The following ARAP2 variants were observed in gnomAD, a reference collection of about 807,000 sequenced individuals.
ARAP2 encodes arf-GAP with Rho-GAP domain, ANK repeat and PH domain-containing protein 2.
ARAP2 carries 148 observed loss-of-function variants against 194.5 expected under a neutral mutation model. The ratio of observed to expected loss-of-function variants is 0.76; its 90% confidence interval spans 0.67 to 0.87. ARAP2 has a LOEUF of 0.87. Among genes scored for constraint, ARAP2 ranks in the 40% least tolerant of loss-of-function variants. The probability of loss-of-function intolerance (pLI) is 0.00; values close to 1 mark genes in which losing one functional copy is unlikely to be tolerated. For missense variants in ARAP2, 2,128 were observed against 1,989.7 expected (o/e 1.07, Z -1.32); for synonymous variants, 695 against 683.5 (o/e 1.02, Z -0.26).
Position 36,229,164 on chromosome 4 carries a change from T to C in ARAP2, c.323A>G (p.Asn108Ser), listed in dbSNP as rs370354592. 40 of 1,614,148 alleles carry C rather than the reference T, an allele frequency of 2.5e-5. No individual in the cohort carries two copies. Among genetic ancestry groups the C allele is most frequent in the Admixed American group, 5.0e-5 (3 of 60,000 alleles). The change falls in exon 2 of 33, where the codon AAT becomes AGT. Residue 108 changes from asparagine (N) to serine (S), a missense_variant. Transcript: ENST00000303965. ...GCTAGATGTCTGAACACTACCAGAATTGGAAAGTTCTATGCAGATATTCTG... is the reference window on the plus strand; with the variant it reads ...GCTAGATGTCTGAACACTACCAGAACTGGAAAGTTCTATGCAGATATTCTG... ...SDQNICIELS[N>S]SGSVQTSSPP... is the part of the protein sequence containing the mutation.
intron 1 of ARAP2, among the ~76,000 whole-genome samples, chr4:36,240,922 G>A (rs6826962): frequency 0.021 from 3,205 of 152,238 alleles, 71 homozygotes; most frequent in African/African-American, 0.052. Flanking sequence ...AGCATAGGAG[G>A]TACCTAGGTT....
chr4:36,102,737 G>A lies in ARAP2; in HGVS notation c.4285+4828C>T, dbSNP rs376352583. On this transcript the variant is annotated intron_variant, in intron 27 of 32. Transcript: ENST00000303965. ...CAGTTGTCATACATTTAAAATTTCT[G>A]TTCTTTCTGGGTATAGACAATGTTT... is the stretch of plus-strand genomic sequence containing the variant. Among the ~76,000 whole-genome samples, 19 of 151,890 alleles carry A rather than the reference G, an allele frequency of 1.3e-4. No individual in the cohort carries two copies. In the East Asian group the frequency reaches 1.6e-3, roughly 12 times the overall value.
At chr4:36,148,271 T>C (rs1467028747) in intron 17 of ARAP2, 134 bp downstream of exon 17, 9 of 618,180 alleles carry the variant, frequency 1.5e-5, no homozygotes, top group Admixed American at 3.4e-5. Context: ...ACTACTTTTT[T>C]TGAAAATCTA....
intron 5 of ARAP2, among the ~76,000 whole-genome samples, chr4:36,023,529 A>T (rs1019367086): frequency 6.6e-6 from 1 of 152,116 alleles, no homozygotes; most frequent in Non-Finnish European, 1.5e-5. Context: ...GAAGTGCAAT[A>T]AAGTTTTAGT....
intron 6 of ARAP2, among the ~76,000 whole-genome samples, chr4:36,207,493 T>A (rs1158538957): frequency 6.6e-6 from 1 of 152,232 alleles, no homozygotes; most frequent in East Asian, 1.9e-4. Context: ...TCTTTTGTTG[T>A]ATGGTGTTAT....
chr4:36,194,435 C>T (rs906427626), intron 6 of ARAP2, among the ~76,000 whole-genome samples: 4 of 151,992 alleles, frequency 2.6e-5, no homozygotes, highest in South Asian at 2.1e-4. Flanking sequence ...AGAAAATATA[C>T]GAAAACGAAC....
At chr4:36,065,373 T>C (rs1422113523), downstream of ARAP2, 3 of 523,298 alleles carry the variant, frequency 5.7e-6, no homozygotes, top group Non-Finnish European at 1.2e-5. Context: ...CTTCTTCTCA[T>C]AGTGCCAGGG....
At chr4:36,134,970 C>G (rs35342722) in intron 19 of ARAP2, among the ~76,000 whole-genome samples, 1 of 151,636 alleles carries the variant, frequency 6.6e-6, no homozygotes. Flanking sequence ...GTTTTAGCCA[C>G]GAAACTCCAA....
Position 36,068,209 on chromosome 4 carries a change from A to G in ARAP2, c.4813T>C (p.Leu1605=), listed in dbSNP as rs778716492. The G allele has an allele frequency of 6.2e-7, 1 of 1,612,934 alleles. No individual in the cohort carries two copies. Among genetic ancestry groups the G allele is most frequent in the East Asian group, 2.2e-5 (1 of 44,880 alleles). ...GCCACCATGGAAGCTCTCTCCTTTA[A>G]GCTAGAGTCCACGGACTCTTTATCA... ...KCDKESVDSS[L]KERASMVAHC... The change falls in exon 33 of 33, where the codon TTA becomes CTA. Residue 1605 remains leucine, a synonymous_variant. Transcript: ENST00000303965.
intron 30 of ARAP2, among the ~76,000 whole-genome samples, chr4:36,081,096 C>A (rs1309478813): frequency 6.6e-6 from 1 of 152,072 alleles, no homozygotes; most frequent in Non-Finnish European, 1.5e-5. Flanking sequence ...TCTAAAAAAT[C>A]TGTGTTTTCT....
chr4:36,034,353 T>C (rs1270716864), intron 5 of ARAP2, among the ~76,000 whole-genome samples: 1 of 152,094 alleles, frequency 6.6e-6, no homozygotes, highest in East Asian at 1.9e-4. Flanking sequence ...TGCAGAGATC[T>C]CCCACTTCCT....
intron 1 of ARAP2, among the ~76,000 whole-genome samples, chr4:36,232,645 C>T (rs531953874): frequency 1.3e-5 from 2 of 152,318 alleles, no homozygotes; most frequent in South Asian, 4.1e-4. Context: ...TTTTTGCATA[C>T]ACTCTATCTG....
chr4:36,087,313 A>C (rs1379102509), intron 28 of ARAP2, among the ~76,000 whole-genome samples: 3 of 152,104 alleles, frequency 2.0e-5, no homozygotes, highest in Admixed American at 2.0e-4. Context: ...TCTGCTTTTC[A>C]AAATGTAAAA....
At chr4:36,187,645 A>G in intron 7 of ARAP2, 74 bp from the exon 8 acceptor site, 2 of 1,323,754 alleles carry the variant, frequency 1.5e-6, no homozygotes, top group Non-Finnish European at 2.0e-6. Context: ...AGAATGGCAC[A>G]GTATTTATAA....
chr4:36,019,297 T>A (rs1019924622), intron 5 of ARAP2: 4 of 149,302 alleles, frequency 2.7e-5, no homozygotes, highest in Middle Eastern at 3.2e-3. Context: ...CTGTTAATGG[T>A]TGGATATCAC....
intron 5 of ARAP2, among the ~76,000 whole-genome samples, chr4:36,211,617 T>C (rs1182542759): frequency 6.6e-6 from 1 of 152,296 alleles, no homozygotes; most frequent in Admixed American, 6.5e-5. Context: ...TTTAATTGTT[T>C]AGCTTTAACT....
intron 32 of ARAP2, 137 bp downstream of exon 32, chr4:36,073,552 G>C (rs1335222997): frequency 6.0e-6 from 6 of 1,002,718 alleles, no homozygotes; most frequent in Non-Finnish European, 8.5e-6. Flanking sequence ...CTTGCTGTAT[G>C]TGATTATTAC....
intron 7 of ARAP2, among the ~76,000 whole-genome samples, chr4:36,189,286 G>A (rs192758205): frequency 3.3e-5 from 5 of 151,762 alleles, no homozygotes; most frequent in African/African-American, 9.7e-5. Flanking sequence ...ATAACTGTTC[G>A]TATTTATGGG....
intron 5 of ARAP2, among the ~76,000 whole-genome samples, chr4:36,036,010 G>A (rs1009189033): frequency 1.3e-5 from 2 of 152,016 alleles, no homozygotes; most frequent in East Asian, 1.9e-4. Flanking sequence ...ATGCTGCAAC[G>A]TCATACTATC....
Sources: allele counts gnomAD v4.1 joint callset (sites outside exome capture counted in the v4.1 genomes callset), GRCh38; gene constraint gnomAD v4.1.1; transcripts MANE v1.5; gene names NCBI Gene and HGNC (gene_info 2026-07-23, HGNC 2026-07-21).